PLCB1: variants seen among roughly 807,000 people sequenced by gnomAD.
PLCB1 encodes phospholipase C beta 1.
PLCB1 carries 46 observed loss-of-function variants against 161.8 expected under a neutral mutation model. The ratio of observed to expected loss-of-function variants is 0.28; its 90% confidence interval spans 0.22 to 0.36. The LOEUF (loss-of-function observed/expected upper bound fraction) is 0.36. Ranked by LOEUF, PLCB1 falls within the 10% of genes least tolerant of loss-of-function variation. The pLI, the probability that PLCB1 is intolerant of heterozygous loss-of-function variation, is 1.00. For synonymous variants in PLCB1, 517 were observed against 503.7 expected (o/e 1.03, Z -0.35); for missense variants, 1,016 against 1,472.5 (o/e 0.69, Z 5.07).
chr20:8,476,808 GT>G (rs958176516), intron 3 of PLCB1, among the ~76,000 whole-genome samples: 5 of 152,034 alleles, frequency 3.3e-5, no homozygotes, highest in African/African-American at 4.8e-5. Flanking sequence ...GCTTTTTTGT[GT>G]GTGTGATGTT....
At chr20:8,809,545 T>G (rs915798349) in intron 31 of PLCB1, among the ~76,000 whole-genome samples, 1 of 152,002 alleles carries the variant, frequency 6.6e-6, no homozygotes, top group African/African-American at 2.4e-5. Flanking sequence ...AACTGGGCCC[T>G]TTCATTTTCC....
At chr20:8,325,756 G>T (rs1356644641) in intron 2 of PLCB1, among the ~76,000 whole-genome samples, 1 of 152,168 alleles carries the variant, frequency 6.6e-6, no homozygotes, top group Non-Finnish European at 1.5e-5. Context: ...GGCTGTTCCT[G>T]AGGAGTTCCT....
At chr20:8,567,847 TAA>T in intron 3 of PLCB1, among the ~76,000 whole-genome samples, 1 of 152,202 alleles carries the variant, frequency 6.6e-6, no homozygotes. Context: ...TAAAAATTTT[TAA>T]AGACATGACT....
intron 3 of PLCB1, among the ~76,000 whole-genome samples, chr20:8,589,310 C>T (rs1423281975): frequency 6.6e-6 from 1 of 152,206 alleles, no homozygotes; most frequent in Non-Finnish European, 1.5e-5. Flanking sequence ...AATTTACACT[C>T]TAGTAGCATG....
chr20:8,560,089 C>A (rs886653579), intron 3 of PLCB1, among the ~76,000 whole-genome samples: 1 of 151,930 alleles, frequency 6.6e-6, no homozygotes, highest in Non-Finnish European at 1.5e-5. Context: ...ATATGAGAAT[C>A]CCCTGGGAGG....
chr20:8,856,756 T>C (rs1987083076), intron 31 of PLCB1, among the ~76,000 whole-genome samples: 1 of 152,218 alleles, frequency 6.6e-6, no homozygotes, highest in African/African-American at 2.4e-5. Context: ...GTAGAGGTCT[T>C]ATGGAGTGCT....
chr20:8,643,742 G>GCCCTCTCTCTCT (rs1989031435), intron 4 of PLCB1, among the ~76,000 whole-genome samples: 1 of 101,764 alleles, frequency 9.8e-6, no homozygotes, highest in African/African-American at 4.3e-5. Context: ...ACAAAAAATA[G>GCCCTCTCTCTCT]CCCTCTCCCT....
chr20:8,644,253 C>T (rs1409028376), intron 4 of PLCB1, among the ~76,000 whole-genome samples: 1 of 152,024 alleles, frequency 6.6e-6, no homozygotes. Flanking sequence ...TGCCTGGCCG[C>T]CCATCGTCTG....
At chr20:8,761,976 A>AGCGG (rs1555788722) in intron 25 of PLCB1, among the ~76,000 whole-genome samples, 1 of 146,372 alleles carries the variant, frequency 6.8e-6, no homozygotes, top group Non-Finnish European at 1.5e-5. Flanking sequence ...GGGGAGGCCA[A>AGCGG]GGGGGGGGCG....
chr20:8,482,135 C>T (rs1982528781), intron 3 of PLCB1, among the ~76,000 whole-genome samples: 2 of 116,252 alleles, frequency 1.7e-5, no homozygotes, highest in Admixed American at 1.0e-4. Flanking sequence ...GAGGGAGTCT[C>T]GCTCTGTCGC....
chr20:8,447,603 A>T (rs1980892660), intron 3 of PLCB1, among the ~76,000 whole-genome samples: 1 of 152,172 alleles, frequency 6.6e-6, no homozygotes, highest in Admixed American at 6.5e-5. Flanking sequence ...AAGAGGAGAG[A>T]AAATTGTTCT....
At chr20:8,419,149 A>T (rs189433500) in intron 3 of PLCB1, among the ~76,000 whole-genome samples, 6 of 151,728 alleles carry the variant, frequency 4.0e-5, no homozygotes, top group Admixed American at 3.9e-4. Flanking sequence ...TGGATTTAAA[A>T]GCTTTGTTTA....
At chr20:8,146,308 T>C (rs2051454003) in intron 1 of PLCB1, among the ~76,000 whole-genome samples, 1 of 152,218 alleles carries the variant, frequency 6.6e-6, no homozygotes, top group Non-Finnish European at 1.5e-5. Context: ...GTGCTTCCCA[T>C]ACCAGCTTAA....
Position 8,312,984 on chromosome 20 carries a change from A to G in PLCB1, c.178-58398A>G, listed in dbSNP as rs537210625. Among the ~76,000 whole-genome samples the G allele has an allele frequency of 7.9e-4, 120 of 152,334 alleles. No homozygotes were observed. In the Middle Eastern group the frequency reaches 0.01, roughly 13 times the overall value. Reference sequence around the variant, plus strand: ...TTCTGTGCATTTACTTATGTTGAAAATGATGTCATGTATATTTGTATTTAA... The same window carrying G: ...TTCTGTGCATTTACTTATGTTGAAAGTGATGTCATGTATATTTGTATTTAA... On this transcript the variant is annotated intron_variant, in intron 2 of 31. Coordinates refer to ENST00000338037, the MANE Select transcript of PLCB1 (RefSeq NM_015192.4).
At chr20:8,453,423 A>G (rs1402142629) in intron 3 of PLCB1, among the ~76,000 whole-genome samples, 3 of 152,246 alleles carry the variant, frequency 2.0e-5, no homozygotes, top group Non-Finnish European at 2.9e-5. Flanking sequence ...ATGGTCCTCG[A>G]TATTCTCAGT....
intron 31 of PLCB1, among the ~76,000 whole-genome samples, chr20:8,820,387 A>G (rs977800268): frequency 5.9e-5 from 9 of 152,110 alleles, no homozygotes; most frequent in African/African-American, 2.2e-4. Context: ...AATAGGCTCA[A>G]GCTCATTAGT....
intron 31 of PLCB1, among the ~76,000 whole-genome samples, chr20:8,826,942 A>T (rs1004879065): frequency 1.3e-4 from 20 of 152,244 alleles, no homozygotes; most frequent in Admixed American, 1.0e-3. Flanking sequence ...TTGATTTAAG[A>T]TGACCTAGAG....
chr20:8,835,924 C>T (rs1041612691), intron 31 of PLCB1, among the ~76,000 whole-genome samples: 2 of 149,950 alleles, frequency 1.3e-5, no homozygotes, highest in African/African-American at 4.8e-5. Context: ...TCAGCTGAAC[C>T]TTTCTGCTGC....
chr20:8,612,637 T>A (rs1282290781), intron 3 of PLCB1, among the ~76,000 whole-genome samples: 1 of 152,182 alleles, frequency 6.6e-6, no homozygotes, highest in East Asian at 1.9e-4. Flanking sequence ...CTGCCCCAGT[T>A]ACTGATTGAG....
Sources: gnomAD v4.1 joint callset for allele counts (sites outside exome capture counted in the v4.1 genomes callset) on GRCh38, gnomAD v4.1.1 for gene constraint, MANE v1.5 for transcripts, NCBI Gene and HGNC (gene_info 2026-07-23, HGNC 2026-07-21) for gene names.